The following KLHDC1 variants were observed in gnomAD, a reference collection of about 807,000 sequenced individuals.
The protein encoded by KLHDC1 is kelch domain containing 1.
A neutral mutation model predicts 68.3 loss-of-function variants in KLHDC1; 53 were observed. The observed-to-expected ratio is 0.78, with a 90% CI of 0.62 to 0.98. The LOEUF is 0.98. Ranked by LOEUF, KLHDC1 falls within the 50% of genes least tolerant of loss-of-function variation. KLHDC1 has a pLI of 0.00. For synonymous variants in KLHDC1, 148 were observed against 159.0 expected (o/e 0.93, Z 0.52); for missense variants, 470 against 492.3 (o/e 0.95, Z 0.43).
intron 4 of KLHDC1, among the ~76,000 whole-genome samples, chr14:49,713,040 C>T (rs1235760696): frequency 1.3e-5 from 2 of 149,536 alleles, no homozygotes; most frequent in African/African-American, 2.5e-5. Context: ...AGCTCTGCCT[C>T]CCAGGTTCAC....
In KLHDC1 at chr14:49,734,675, T is replaced by C. The variant is rs774867604; in HGVS notation, c.896+14T>C. On this transcript the variant is annotated intron_variant, in intron 10 of 12. Coordinates refer to ENST00000359332, the MANE Select transcript of KLHDC1 (RefSeq NM_172193.3). The stretch of plus-strand genomic sequence containing the variant: ...AACAAGACCTAGGTAAGTCAAGAAA[T>C]TGACAAATAGTAAAATAGTTAAGAA... The C allele has an allele frequency of 1.2e-5, 17 of 1,444,496 alleles. No individual in the cohort carries two copies. The highest frequency in any genetic ancestry group is 1.5e-5 in the Non-Finnish European group (16 of 1,038,832). The allele number at this position is 1,444,496 out of a possible 1,614,324, so 89.5% of individuals were successfully genotyped here.
intron 5 of KLHDC1, 170 bp from the exon 6 acceptor site, chr14:49,725,516 G>C (rs1436680378): frequency 7.8e-6 from 4 of 511,872 alleles, no homozygotes; most frequent in African/African-American, 2.0e-5. Context: ...ACTGGTCTGG[G>C]GACCACGCTT....
At chr14:49,693,748 C>CTTCTTTTTTTTTTTTTTTTTTTT (rs1887645004) in intron 1 of KLHDC1, among the ~76,000 whole-genome samples, 1 of 61,540 alleles carries the variant, frequency 1.6e-5, no homozygotes, top group African/African-American at 5.4e-5. Flanking sequence ...TTTTCTTTTT[C>CTTCTTTTTTTTTTTTTTTTTTTT]TTTTTTTTTT....
At chr14:49,715,876 T>C (rs1276216511) in intron 4 of KLHDC1, among the ~76,000 whole-genome samples, 1 of 151,612 alleles carries the variant, frequency 6.6e-6, no homozygotes, top group Admixed American at 6.6e-5. Context: ...TTGAAGTCGT[T>C]TGAGGTTTGT....
intron 1 of KLHDC1, among the ~76,000 whole-genome samples, chr14:49,708,055 A>G (rs917013113): frequency 1.4e-5 from 2 of 143,662 alleles, no homozygotes; most frequent in Non-Finnish European, 3.0e-5. Context: ...TTAAAGTGCT[A>G]TTTTAAAACT....
Position 49,740,143 on chromosome 14 carries a change from A to G in KLHDC1, c.942A>G (p.Val314=), listed in dbSNP as rs1889025055. The G allele has an allele frequency of 1.2e-6, 2 of 1,611,696 alleles. No homozygotes were observed. The highest frequency in any genetic ancestry group is 2.2e-5 in the East Asian group (1 of 44,824). The change falls in exon 11 of 13, where the codon GTA becomes GTG. Residue 314 remains valine, a synonymous_variant. Coordinates refer to ENST00000359332, the MANE Select transcript of KLHDC1 (RefSeq NM_172193.3). ...TGGGAAAAGAAAATGAAATAATGGT[A>G]TTTGGTGGGAGCAAAGATGACTTAC... ...ACLGKENEIM[V]FGGSKDDLLA... is the part of the protein sequence containing the mutation.
At chr14:49,728,810 G>C in intron 6 of KLHDC1, 116 bp from the exon 7 acceptor site, 1 of 743,208 alleles carries the variant, frequency 1.3e-6, no homozygotes, top group Non-Finnish European at 2.4e-6. Flanking sequence ...GTTTTTAATT[G>C]AATTACATAG....
chr14:49,695,298 A>T (rs979958118), intron 1 of KLHDC1, among the ~76,000 whole-genome samples: 3 of 152,168 alleles, frequency 2.0e-5, no homozygotes, highest in Non-Finnish European at 4.4e-5. Flanking sequence ...GTGCCCAGCC[A>T]TGAAATGTAT....
In KLHDC1 at chr14:49,732,089, A is replaced by T. The variant is rs568686065; in HGVS notation, c.711-615A>T. Among the ~76,000 whole-genome samples the T allele has an allele frequency of 2.0e-5, 3 of 152,354 alleles. No individual in the cohort carries two copies. The South Asian group carries it at 6.2e-4, about 32-fold the overall frequency. On this transcript the variant is annotated intron_variant, in intron 8 of 12. Coordinates refer to ENST00000359332, the MANE Select transcript of KLHDC1 (RefSeq NM_172193.3). Reference sequence around the variant, plus strand: ...CAGTAAAAAGTTACAGACATGAAAAAAATTGTGTTGAAAAACTAAGGAAGC... The same window carrying T: ...CAGTAAAAAGTTACAGACATGAAAATAATTGTGTTGAAAAACTAAGGAAGC...
intron 12 of KLHDC1, among the ~76,000 whole-genome samples, chr14:49,748,379 C>T (rs960493305): frequency 3.9e-5 from 6 of 152,126 alleles, no homozygotes; most frequent in Admixed American, 1.3e-4. Context: ...CTCAAGAAAG[C>T]TGCACACACA....
In KLHDC1 at chr14:49,728,927, G is replaced by A. The variant is rs139937511; in HGVS notation, c.569G>A (p.Gly190Asp). The A allele has an allele frequency of 1.9e-6, 3 of 1,609,132 alleles. No homozygotes were observed. Among genetic ancestry groups the A allele is most frequent in the Admixed American group, 3.3e-5 (2 of 59,938 alleles). The change falls in exon 7 of 13, where the codon GGT (glycine) becomes GAT (aspartate). Residue 190 changes from glycine (G) to aspartate (D), a missense_variant and splice_region_variant. Coordinates refer to ENST00000359332, the MANE Select transcript of KLHDC1 (RefSeq NM_172193.3). ...TQTWFQPEIK[G>D]GVPPQPRAAH... ...GTCTGTTCTGATTTCTACTTGCAGG[G>A]TGGAGTTCCACCACAGCCACGAGCC...
Position 49,728,948 on chromosome 14 carries a change from G to A in KLHDC1, c.590G>A (p.Arg197Gln), listed in dbSNP as rs1264753125. 8.1e-6 allele frequency: 13 copies of A among 1,613,492 alleles called. No homozygotes were observed. Among genetic ancestry groups the A allele is most frequent in the African/African-American group, 1.3e-5 (1 of 74,910 alleles). Residue 197 changes from arginine to glutamine, a missense_variant, in exon 7 of 13, where the codon CGA (arginine) becomes CAA (glutamine). Physicochemically the swap from Arg to Gln is conservative, Grantham distance 43. Transcript: ENST00000359332. ...EIKGGVPPQP[R>Q]AAHTCAVLGN... ...CAGGGTGGAGTTCCACCACAGCCACGAGCCGCGCATACATGTGCAGTTCTT... is the reference window on the plus strand; with the variant it reads ...CAGGGTGGAGTTCCACCACAGCCACAAGCCGCGCATACATGTGCAGTTCTT...
chr14:49,713,811 TATATATATATATATATATATATATATA>T (rs1888275496), intron 4 of KLHDC1, among the ~76,000 whole-genome samples: 5 of 3,766 alleles, frequency 1.3e-3, no homozygotes, highest in East Asian at 0.038. Flanking sequence ...TATATATATA[TATATATATATATATATATATATATATA>T]TATATATATA....
At chr14:49,751,503 A>G in intron 12 of KLHDC1, 83 bp from the exon 13 acceptor site, 1 of 685,274 alleles carries the variant, frequency 1.5e-6, no homozygotes, top group Non-Finnish European at 2.2e-6. Context: ...ACAATGTTAA[A>G]AAAGAAAGAA....
intron 4 of KLHDC1, among the ~76,000 whole-genome samples, chr14:49,722,043 G>A (rs1408725063): frequency 6.6e-6 from 1 of 152,156 alleles, no homozygotes; most frequent in Non-Finnish European, 1.5e-5. Flanking sequence ...TCCAGCTGTT[G>A]GTGACTGACC....
chr14:49,746,246 T>C (rs1246559925), intron 12 of KLHDC1, among the ~76,000 whole-genome samples: 2 of 152,222 alleles, frequency 1.3e-5, no homozygotes, highest in Non-Finnish European at 2.9e-5. Context: ...GTAGTGGAGC[T>C]ATCCATTAAA....
At chr14:49,738,682 C>T (rs1009830919) in intron 10 of KLHDC1, among the ~76,000 whole-genome samples, 2 of 152,100 alleles carry the variant, frequency 1.3e-5, no homozygotes, top group African/African-American at 4.8e-5. Flanking sequence ...AGTTTTTGAG[C>T]AGCTACTGGG....
In KLHDC1 at chr14:49,728,922, G is replaced by T; in HGVS notation, c.568-4G>T. The stretch of plus-strand genomic sequence containing the variant: ...TTGCAGTCTGTTCTGATTTCTACTT[G>T]CAGGGTGGAGTTCCACCACAGCCAC... On this transcript the variant is annotated splice_polypyrimidine_tract_variant and splice_region_variant and intron_variant, in intron 6 of 12. Coordinates refer to ENST00000359332, the MANE Select transcript of KLHDC1 (RefSeq NM_172193.3). The T allele has an allele frequency of 1.2e-6, 2 of 1,601,252 alleles. No individual in the cohort carries two copies. The highest frequency in any genetic ancestry group is 1.7e-6 in the Non-Finnish European group (2 of 1,168,276).
At chr14:49,711,017 T>C (rs895348603) in intron 4 of KLHDC1, among the ~76,000 whole-genome samples, 1 of 14,740 alleles carries the variant, frequency 6.8e-5, no homozygotes, top group Non-Finnish European at 7.1e-4. Flanking sequence ...TTTTTGGAAA[T>C]GGAGTCTCAC....
Sources: gnomAD v4.1 joint callset for allele counts (sites outside exome capture counted in the v4.1 genomes callset) on GRCh38, gnomAD v4.1.1 for gene constraint, MANE v1.5 for transcripts, NCBI Gene and HGNC (gene_info 2026-07-23, HGNC 2026-07-21) for gene names.